NKAIN2: variants seen among roughly 807,000 people sequenced by gnomAD.
NKAIN2 encodes the protein sodium/potassium transporting ATPase interacting 2.
NKAIN2 carries 14 observed loss-of-function variants against 32.6 expected under a neutral mutation model. The observed-to-expected ratio is 0.43, with a 90% confidence interval of 0.28 to 0.67. NKAIN2 has a LOEUF of 0.67. Ranked by LOEUF, NKAIN2 falls within the 30% of genes least tolerant of loss-of-function variation. The pLI is 0.17. For missense variants in NKAIN2, 198 were observed against 258.3 expected (o/e 0.77, Z 1.60); for synonymous variants, 80 against 87.2 (o/e 0.92, Z 0.46).
At chr6:124,322,297 T>C (rs551038737) in intron 2 of NKAIN2, among the ~76,000 whole-genome samples, 1 of 152,332 alleles carries the variant, frequency 6.6e-6, no homozygotes, top group South Asian at 2.1e-4. Context: ...AAATAGATTA[T>C]AACTTTTTTT....
intron 3 of NKAIN2, among the ~76,000 whole-genome samples, chr6:124,410,151 G>T (rs1426493597): frequency 6.6e-6 from 1 of 152,042 alleles, no homozygotes; most frequent in East Asian, 1.9e-4. Flanking sequence ...CCAGCTCCTG[G>T]ATTCATTGAT....
chr6:124,438,375 A>T (rs1023896156), intron 3 of NKAIN2, among the ~76,000 whole-genome samples: 18 of 152,260 alleles, frequency 1.2e-4, no homozygotes, highest in Non-Finnish European at 2.2e-4. Context: ...GAAGATAAGA[A>T]GTCACTCTGG....
intron 1 of NKAIN2, among the ~76,000 whole-genome samples, chr6:124,144,669 CTG>C (rs1316426332): frequency 1.3e-5 from 2 of 151,930 alleles, no homozygotes; most frequent in African/African-American, 2.4e-5. Flanking sequence ...AAATGTAAAA[CTG>C]TAAATAATTT....
rs543425554 is a variant in NKAIN2, at chr6:124,468,888, T to A, written c.273+113541T>A. 3.3e-5 allele frequency among the ~76,000 whole-genome samples: 5 copies of A among 152,286 alleles called. No individual in the cohort carries two copies. In the South Asian group the frequency reaches 8.3e-4, roughly 25 times the overall value. On this transcript the variant is annotated intron_variant, in intron 3 of 6. Coordinates refer to ENST00000368417, the MANE Select transcript of NKAIN2 (RefSeq NM_001040214.3). ...ATAACATAGGATCAGGTAGTTTAAGTAAAGTTCCTGTGAAAGGTGGCATAT... is the reference window on the plus strand; with the variant it reads ...ATAACATAGGATCAGGTAGTTTAAGAAAAGTTCCTGTGAAAGGTGGCATAT...
chr6:124,506,800 T>C (rs546926694), intron 3 of NKAIN2, among the ~76,000 whole-genome samples: 1 of 152,332 alleles, frequency 6.6e-6, no homozygotes, highest in East Asian at 1.9e-4. Flanking sequence ...AAGACATAAC[T>C]TGAGCCTTTG....
At chr6:123,915,631 C>T (rs998194853) in intron 1 of NKAIN2, among the ~76,000 whole-genome samples, 3 of 152,032 alleles carry the variant, frequency 2.0e-5, no homozygotes, top group African/African-American at 7.2e-5. Context: ...AAGATATACA[C>T]GAGAGAAAAT....
At chr6:124,681,726 A>G (rs1198936061) in intron 4 of NKAIN2, among the ~76,000 whole-genome samples, 1 of 152,072 alleles carries the variant, frequency 6.6e-6, no homozygotes, top group Non-Finnish European at 1.5e-5. Context: ...GAGAAAGTGA[A>G]TGTTTGGGAA....
intron 4 of NKAIN2, among the ~76,000 whole-genome samples, chr6:124,746,166 A>C (rs973319449): frequency 2.8e-4 from 42 of 151,910 alleles, no homozygotes; most frequent in Admixed American, 2.4e-3. Context: ...GGGTTGGGCC[A>C]GTTACTTAAC....
intron 4 of NKAIN2, among the ~76,000 whole-genome samples, chr6:124,683,110 C>A (rs1773699259): frequency 6.6e-6 from 1 of 152,180 alleles, no homozygotes; most frequent in Non-Finnish European, 1.5e-5. Context: ...TTGTAACAAA[C>A]ATAAGTAAAT....
At chr6:124,528,472 A>T (rs1213332084) in intron 3 of NKAIN2, among the ~76,000 whole-genome samples, 1 of 152,204 alleles carries the variant, frequency 6.6e-6, no homozygotes, top group Non-Finnish European at 1.5e-5. Flanking sequence ...CACCTAATGC[A>T]GTTCCTTGAA....
At chr6:124,755,552 C>T (rs894421854) in intron 4 of NKAIN2, among the ~76,000 whole-genome samples, 3 of 152,144 alleles carry the variant, frequency 2.0e-5, no homozygotes, top group Admixed American at 6.6e-5. Context: ...GAGATTATGT[C>T]CTCTGCAGGG....
At chr6:124,794,758 C>A (rs1364000704) in intron 5 of NKAIN2, 3 of 304,650 alleles carry the variant, frequency 9.8e-6, no homozygotes, top group Non-Finnish European at 1.4e-5. Context: ...GTCATTCACA[C>A]CTAGACAGTT....
chr6:124,576,736 C>T (rs532097765), intron 3 of NKAIN2, among the ~76,000 whole-genome samples: 1 of 152,022 alleles, frequency 6.6e-6, no homozygotes, highest in African/African-American at 2.4e-5. Flanking sequence ...AATATTGGCA[C>T]GTTCCAAATA....
intron 5 of NKAIN2, among the ~76,000 whole-genome samples, chr6:124,798,394 T>C (rs1780105836): frequency 1.3e-5 from 2 of 152,144 alleles, no homozygotes; most frequent in Non-Finnish European, 2.9e-5. Flanking sequence ...ATTTGTCTTA[T>C]GAATTTGATG....
chr6:124,221,628 C>T (rs1469743042), intron 1 of NKAIN2, among the ~76,000 whole-genome samples: 1 of 151,702 alleles, frequency 6.6e-6, no homozygotes, highest in Non-Finnish European at 1.5e-5. Flanking sequence ...TTGTTGTTAC[C>T]CAGCAAAGCA....
intron 1 of NKAIN2, among the ~76,000 whole-genome samples, chr6:123,821,700 C>T (rs1282039207): frequency 2.0e-5 from 3 of 151,932 alleles, no homozygotes; most frequent in Non-Finnish European, 2.9e-5. Flanking sequence ...AGCGGGGGGC[C>T]CGAGGGCTGG....
intron 1 of NKAIN2, among the ~76,000 whole-genome samples, chr6:123,859,105 AC>A (rs1391871644): frequency 2.0e-5 from 3 of 152,220 alleles, no homozygotes; most frequent in African/African-American, 7.2e-5. Flanking sequence ...AATTTAGTAT[AC>A]AACTAATAAT....
At chr6:124,611,207 G>T (rs991127257) in intron 3 of NKAIN2, among the ~76,000 whole-genome samples, 2 of 151,978 alleles carry the variant, frequency 1.3e-5, no homozygotes, top group Non-Finnish European at 2.9e-5. Context: ...ATCTTCTTTA[G>T]TGATGTTAAA....
In NKAIN2 at chr6:124,423,257, C is replaced by A. The variant is rs187087333; in HGVS notation, c.273+67910C>A. Among the ~76,000 whole-genome samples, 309 of 152,226 alleles carry A rather than the reference C, an allele frequency of 2.0e-3. 1 individual carries two copies. Among genetic ancestry groups the A allele is most frequent in the African/African-American group, 6.5e-3 (270 of 41,552 alleles). ...TTAAGAAATAATAAAGAAGAATATA[C>A]AAGCATTGATCTTACAGCCAATGAA... On this transcript the variant is annotated intron_variant, in intron 3 of 6. Coordinates refer to ENST00000368417, the MANE Select transcript of NKAIN2 (RefSeq NM_001040214.3).
Sources: allele counts gnomAD v4.1 joint callset (sites outside exome capture counted in the v4.1 genomes callset), GRCh38; gene constraint gnomAD v4.1.1; transcripts MANE v1.5; gene names NCBI Gene and HGNC (gene_info 2026-07-23, HGNC 2026-07-21).